The following SV2B variants were observed in gnomAD, a reference collection of about 807,000 sequenced individuals.
The protein encoded by SV2B is solute carrier family 22 member B2.
A neutral mutation model predicts 73.9 loss-of-function variants in SV2B; 41 were observed. That is an observed-to-expected ratio of 0.56 (90% CI 0.43 to 0.72). The LOEUF is 0.72. Ranked by LOEUF, SV2B falls within the 30% of genes least tolerant of loss-of-function variation. The pLI is 0.00. For missense variants in SV2B, 764 were observed against 857.8 expected, an observed-to-expected ratio of 0.89 and a Z score of 1.37; for synonymous variants, 314 against 314.2, an observed-to-expected ratio of 1.00 and a Z score of 0.01.
chr15:91,276,153 C>T (rs934652880), intron 9 of SV2B, among the ~76,000 whole-genome samples: 1 of 149,426 alleles, frequency 6.7e-6, no homozygotes, highest in African/African-American at 2.5e-5. Context: ...CTGCTGTATT[C>T]TTATCTTTAT....
chr15:91,187,903 A>C (rs879888916), intron 1 of SV2B, among the ~76,000 whole-genome samples: 4 of 152,096 alleles, frequency 2.6e-5, no homozygotes, highest in Non-Finnish European at 2.9e-5. Context: ...GCTAGCTTTG[A>C]TTCGTTTTAT....
In SV2B at chr15:91,130,468, CA is replaced by C. The variant is rs1481855669; in HGVS notation, c.-392+30106del. ...ATGCTAGAACCATAGAGAAGATTTG[CA>C]TTGAAAATGGAAGTGGAGGGTAAGG... On this transcript the variant is annotated intron_variant, in intron 1 of 12. Coordinates refer to ENST00000394232, the MANE Select transcript of SV2B (RefSeq NM_001323032.3). This position sits in a 1 kb window ranked among gnomAD's most constrained non-coding sequence, Gnocchi z 5.6. Among the ~76,000 whole-genome samples the C allele has an allele frequency of 6.6e-6, 1 of 151,892 alleles. No homozygotes were observed. Among genetic ancestry groups the C allele is most frequent in the Admixed American group, 6.6e-5 (1 of 15,254 alleles).
At chr15:91,209,184 T>C (rs539944324) in intron 1 of SV2B, among the ~76,000 whole-genome samples, 292 of 146,326 alleles carry the variant, frequency 2.0e-3, no homozygotes, top group Middle Eastern at 0.015. Context: ...TGCAGTGGCA[T>C]GATCTCAGTT....
At chr15:91,107,909 C>T (rs2041934295) in intron 1 of SV2B, among the ~76,000 whole-genome samples, 1 of 152,136 alleles carries the variant, frequency 6.6e-6, no homozygotes, top group South Asian at 2.1e-4. Flanking sequence ...CATGCCCAGC[C>T]CAAGCTTCCT....
At chr15:91,192,386 C>G (rs947432900) in intron 1 of SV2B, among the ~76,000 whole-genome samples, 2 of 152,196 alleles carry the variant, frequency 1.3e-5, no homozygotes, top group Non-Finnish European at 2.9e-5. Flanking sequence ...GTTCCTTTCT[C>G]TAACTCTTTG....
rs1285812484 is a variant in SV2B at position 91,110,766 on chromosome 15, T to C, written c.-392+10403T>C. On this transcript the variant is annotated intron_variant, in intron 1 of 12. Coordinates refer to ENST00000394232, the MANE Select transcript of SV2B (RefSeq NM_001323032.3). This position sits in a 1 kb window ranked among gnomAD's most constrained non-coding sequence, Gnocchi z 5.4. Reference sequence around the variant, plus strand: ...GGCTCAAGGAATTTAGTTCCACCCCTAGCACTATGACAAGTGACGAACACA... The same window carrying C: ...GGCTCAAGGAATTTAGTTCCACCCCCAGCACTATGACAAGTGACGAACACA... Among the ~76,000 whole-genome samples the C allele has an allele frequency of 6.6e-6, 1 of 152,158 alleles. No individual in the cohort carries two copies. Among genetic ancestry groups the C allele is most frequent in the African/African-American group, 2.4e-5 (1 of 41,432 alleles).
In SV2B at chr15:91,249,068, T is replaced by TCACATACACACACACACACACA. The variant is rs1290015975; in HGVS notation, c.452-2747_452-2746insTACACACACACACACACACACA. The stretch of plus-strand genomic sequence containing the variant: ...TGCATGCATCCATACATCTACGTTT[T>TCACATACACACACACACACACA]CACACACACACACACACACACACAC... On this transcript the variant is annotated intron_variant, in intron 2 of 12. Transcript: ENST00000394232. Among the ~76,000 whole-genome samples, 47 of 142,114 alleles carry TCACATACACACACACACACACA rather than the reference T, an allele frequency of 3.3e-4. 1 individual carries two copies. The highest frequency in any genetic ancestry group is 1.2e-3 in the African/African-American group (45 of 37,120). 93.2% of individuals were successfully genotyped at this position (142,114 alleles called of 152,430 possible).
chr15:91,104,929 A>T (rs1314919181), intron 1 of SV2B, among the ~76,000 whole-genome samples: 1 of 152,124 alleles, frequency 6.6e-6, no homozygotes. Flanking sequence ...ACCGCGCCTG[A>T]CTGGGACCTG....
Position 91,251,922 on chromosome 15 carries a change from T to C in SV2B, c.555T>C (p.Asn185=). 6.2e-7 allele frequency: 1 copy of C among 1,614,180 alleles called. No individual in the cohort carries two copies. The highest frequency in any genetic ancestry group is 8.5e-7 in the Non-Finnish European group (1 of 1,180,036). Residue 185 remains asparagine, a synonymous_variant, in exon 3 of 13, where the codon AAT becomes AAC. Coordinates refer to ENST00000394232, the MANE Select transcript of SV2B (RefSeq NM_001323032.3). ...TCCTCAGCATGTCTCTGGCCGTCAA[T>C]GCCTCCTTCGCCTCCCTCTCTTCCT... ...KRVLSMSLAV[N]ASFASLSSFV...
In SV2B at chr15:91,140,870, C is replaced by A. The variant is rs144285005; in HGVS notation, c.-392+40507C>A. Among the ~76,000 whole-genome samples, 665 of 152,138 alleles carry A rather than the reference C, an allele frequency of 4.4e-3. 2 individuals are homozygous for A. Among genetic ancestry groups the A allele is most frequent in the African/African-American group, 0.014 (595 of 41,502 alleles). ...GAGCCTTGCTGGGGGTTGATAAACACACACCGAGATAGAAGACTCTCTGTT... is the reference window on the plus strand; with the variant it reads ...GAGCCTTGCTGGGGGTTGATAAACAAACACCGAGATAGAAGACTCTCTGTT... On this transcript the variant is annotated intron_variant, in intron 1 of 12. Transcript: ENST00000394232. The surrounding 1 kb of genome is among the most constrained non-coding windows in gnomAD (Gnocchi z 4.4).
intron 1 of SV2B, among the ~76,000 whole-genome samples, chr15:91,209,448 C>T (rs1198865751): frequency 6.6e-6 from 1 of 152,102 alleles, no homozygotes; most frequent in African/African-American, 2.4e-5. Context: ...ATGGCTTAAG[C>T]AGAGTTTTCG....
chr15:91,228,313 G>A (rs1362102015), intron 2 of SV2B, among the ~76,000 whole-genome samples: 1 of 152,042 alleles, frequency 6.6e-6, no homozygotes, highest in African/African-American at 2.4e-5. Flanking sequence ...CATAATTTTA[G>A]TGTAGTTCTT....
intron 1 of SV2B, among the ~76,000 whole-genome samples, chr15:91,125,310 G>A (rs980849394): frequency 2.0e-5 from 3 of 152,130 alleles, no homozygotes; most frequent in Non-Finnish European, 2.9e-5. Flanking sequence ...AGTGCATGAG[G>A]GTATAAACAC....
At chr15:91,108,989 C>T (rs748546580) in intron 1 of SV2B, among the ~76,000 whole-genome samples, 2 of 152,172 alleles carry the variant, frequency 1.3e-5, no homozygotes, top group Non-Finnish European at 2.9e-5. Context: ...TATGGGTTGG[C>T]AGGGGAGAGA....
At chr15:91,204,654 C>T (rs557558288) in intron 1 of SV2B, among the ~76,000 whole-genome samples, 6 of 150,908 alleles carry the variant, frequency 4.0e-5, no homozygotes, top group African/African-American at 7.3e-5. Context: ...ACCTCCTGGG[C>T]TCAAGTGATC....
rs2042941728 is a variant in SV2B, at chr15:91,139,568, G to A, written c.-392+39205G>A. Among the ~76,000 whole-genome samples, 1 of 152,146 alleles carries A rather than the reference G, an allele frequency of 6.6e-6. No homozygotes were observed. Among genetic ancestry groups the A allele is most frequent in the African/African-American group, 2.4e-5 (1 of 41,414 alleles). ...GTAAGGAGAGTAAGCCTTGGGCTAAGGGCACTAAGTTAAGCTGCAACCCCA... is the reference window on the plus strand; with the variant it reads ...GTAAGGAGAGTAAGCCTTGGGCTAAAGGCACTAAGTTAAGCTGCAACCCCA... On this transcript the variant is annotated intron_variant, in intron 1 of 12. Coordinates refer to ENST00000394232, the MANE Select transcript of SV2B (RefSeq NM_001323032.3). This position sits in a 1 kb window ranked among gnomAD's most constrained non-coding sequence, Gnocchi z 5.2.
chr15:91,298,249 A>G lies in SV2B; in HGVS notation c.*5697A>G, dbSNP rs2049320103. On this transcript the variant is annotated 3_prime_UTR_variant, in exon 13 of 13. Transcript: ENST00000394232. This position sits in a 1 kb window ranked among gnomAD's most constrained non-coding sequence, Gnocchi z 5.4. ...GAATGGCTACTGTGTGTCTTGTGCT[A>G]TGCTAGGTCTCTCTCTCTCTAAGTG... is the stretch of plus-strand genomic sequence containing the variant. 1 of 152,258 alleles carries G rather than the reference A, an allele frequency of 6.6e-6. No individual in the cohort carries two copies. Among genetic ancestry groups the G allele is most frequent in the Admixed American group, 6.5e-5 (1 of 15,292 alleles). The allele number at this position is 152,258 out of a possible 1,614,324, so 9.4% of individuals were successfully genotyped here. A position where few individuals can be genotyped will look rare whatever the true frequency, so the allele number is the denominator to read the frequency against.
chr15:91,154,180 TAAATTATATTATA>T (rs1241373146), intron 1 of SV2B, among the ~76,000 whole-genome samples: 3 of 148,000 alleles, frequency 2.0e-5, no homozygotes, highest in African/African-American at 7.3e-5. Flanking sequence ...ATTATAAATA[TAAATTATATTATA>T]AAATTATATT....
At chr15:91,171,897 C>T (rs1320788390) in intron 1 of SV2B, among the ~76,000 whole-genome samples, 1 of 152,148 alleles carries the variant, frequency 6.6e-6, no homozygotes, top group Non-Finnish European at 1.5e-5. Flanking sequence ...CCTCCTTTAT[C>T]CACTCCCTCT....
Sources: allele counts gnomAD v4.1 joint callset (sites outside exome capture counted in the v4.1 genomes callset), GRCh38; gene constraint gnomAD v4.1.1; non-coding constraint Gnocchi (gnomAD v3.1); transcripts MANE v1.5; gene names NCBI Gene and HGNC (gene_info 2026-07-23, HGNC 2026-07-21).